Variants in PAN3 observed in about 807,000 individuals in gnomAD.
PAN3 encodes the protein PAN2-PAN3 deadenylation complex subunit PAN3.
In PAN3, 19 loss-of-function variants were observed where a neutral mutation model predicts 96.2. The ratio of observed to expected loss-of-function variants is 0.20; its 90% CI spans 0.14 to 0.29. The LOEUF (loss-of-function observed/expected upper bound fraction) is 0.29, where lower values mean the gene tolerates loss of function less well. Ranked by LOEUF, PAN3 falls within the 10% of genes least tolerant of loss-of-function variation. The pLI is 1.00. For missense variants in PAN3, 882 were observed against 1,108.1 expected, an observed-to-expected ratio of 0.80 and a Z score of 2.90; for synonymous variants, 433 against 406.6, an observed-to-expected ratio of 1.06 and a Z score of -0.78.
chr13:28,200,031 G>A (rs1024652842), intron 5 of PAN3, among the ~76,000 whole-genome samples: 1 of 152,204 alleles, frequency 6.6e-6, no homozygotes, highest in Non-Finnish European at 1.5e-5. Flanking sequence ...ACTGCTAGAT[G>A]AAGAAACATC....
At position 28,177,856 on chromosome 13, in the gene PAN3, AC is replaced by A. The variant is rs777121193; in HGVS notation, c.620-7del. 12 of 1,611,016 alleles carry A rather than the reference AC, an allele frequency of 7.4e-6. No homozygotes were observed. The highest frequency in any genetic ancestry group is 1.3e-5 in the African/African-American group (1 of 74,838). On this transcript the variant is annotated splice_region_variant and splice_polypyrimidine_tract_variant and intron_variant, in intron 3 of 18. Transcript: ENST00000380958. ...TTATGTGTGGAAACTTACGTAACTTACCTTTCAGATCCTCTAACATCACCTG... is the reference window on the plus strand; with the variant it reads ...TTATGTGTGGAAACTTACGTAACTTACTTTCAGATCCTCTAACATCACCTG...
intron 1 of PAN3, among the ~76,000 whole-genome samples, chr13:28,147,547 C>T (rs925799731): frequency 7.2e-5 from 11 of 152,140 alleles, no homozygotes; most frequent in African/African-American, 2.7e-4. Flanking sequence ...TACAGTTGGG[C>T]AAAATTACCT....
chr13:28,201,358 T>C (rs1049626814), intron 5 of PAN3, among the ~76,000 whole-genome samples: 4 of 151,956 alleles, frequency 2.6e-5, no homozygotes, highest in African/African-American at 9.7e-5. Flanking sequence ...ATTTCTTTCT[T>C]TGCATTTTTT....
chr13:28,204,955 CTT>C (rs1396397519), intron 5 of PAN3, among the ~76,000 whole-genome samples: 2 of 152,190 alleles, frequency 1.3e-5, no homozygotes, highest in Non-Finnish European at 2.9e-5. Flanking sequence ...GTCAGCATCT[CTT>C]TTGATGCTAC....
intron 6 of PAN3, among the ~76,000 whole-genome samples, chr13:28,233,882 A>G (rs1042357144): frequency 6.6e-6 from 1 of 152,148 alleles, no homozygotes; most frequent in Non-Finnish European, 1.5e-5. Flanking sequence ...TTGCATTAAC[A>G]TTGATTTCAT....
At position 28,153,292 on chromosome 13, in the gene PAN3, A is replaced by G. The variant is rs146827963; in HGVS notation, c.430+14205A>G. Among the ~76,000 whole-genome samples, 990 of 143,800 alleles carry G rather than the reference A, an allele frequency of 6.9e-3. 10 individuals carry two copies. The highest frequency in any genetic ancestry group is 0.025 in the African/African-American group (956 of 37,782). The allele number at this position is 143,800 out of a possible 152,430, so 94.3% of individuals were successfully genotyped here. The stretch of plus-strand genomic sequence containing the variant: ...CGCTCTGTTGCCAGCCTGGAGTGCA[A>G]TGGCGCGATCTCGGCTCACTGTAAC... On this transcript the variant is annotated intron_variant, in intron 1 of 18. Coordinates refer to ENST00000380958, the MANE Select transcript of PAN3 (RefSeq NM_175854.8).
chr13:28,187,627 A>G (rs1423466106), intron 4 of PAN3, among the ~76,000 whole-genome samples: 1 of 152,166 alleles, frequency 6.6e-6, no homozygotes, highest in Non-Finnish European at 1.5e-5. Context: ...CCCCTCAATG[A>G]CCTGACTCAT....
chr13:28,261,973 A>C (rs1183697865), intron 9 of PAN3, among the ~76,000 whole-genome samples: 1 of 152,126 alleles, frequency 6.6e-6, no homozygotes, highest in African/African-American at 2.4e-5. Context: ...TTTACTGTGC[A>C]CCAGAATATT....
chr13:28,223,159 T>C (rs1184964243), intron 6 of PAN3, among the ~76,000 whole-genome samples: 3 of 152,162 alleles, frequency 2.0e-5, no homozygotes, highest in African/African-American at 7.2e-5. Flanking sequence ...AAAAAATAAG[T>C]CATGTTTTTG....
At chr13:28,207,165 A>G (rs867456762) in intron 5 of PAN3, among the ~76,000 whole-genome samples, 1 of 152,164 alleles carries the variant, frequency 6.6e-6, no homozygotes, top group African/African-American at 2.4e-5. Flanking sequence ...ATTCACAACT[A>G]TATGCCACCA....
At chr13:28,254,147 A>G (rs1037082114) in intron 6 of PAN3, among the ~76,000 whole-genome samples, 3 of 152,200 alleles carry the variant, frequency 2.0e-5, no homozygotes, top group African/African-American at 7.2e-5. Context: ...TATGTGTGTA[A>G]GACTTAGGAA....
intron 1 of PAN3, among the ~76,000 whole-genome samples, chr13:28,145,352 TCTCA>T (rs1421150170): frequency 6.6e-6 from 1 of 151,998 alleles, no homozygotes. Flanking sequence ...TGAGACAGAG[TCTCA>T]CTCTATCACC....
At chr13:28,197,056 A>G in intron 4 of PAN3, 129 bp from the exon 5 acceptor site, 3 of 1,156,430 alleles carry the variant, frequency 2.6e-6, no homozygotes, top group Non-Finnish European at 3.5e-6. Context: ...TAAGGATATT[A>G]GAAGGAGTGT....
rs566361452 is a variant in PAN3 at position 28,285,181 on chromosome 13, G to A, written c.2385-2803G>A. 2.6e-5 allele frequency among the ~76,000 whole-genome samples: 4 copies of A among 152,070 alleles called. No individual in the cohort carries two copies. The South Asian group carries it at 8.3e-4, about 32-fold the overall frequency. ...TGATTTCTTTAAATTTTATGCTCTG[G>A]TACCTTATTGTTTGGGTCGTTTTCA... On this transcript the variant is annotated intron_variant, in intron 17 of 18. Transcript: ENST00000380958.
At position 28,138,798 on chromosome 13, in the gene PAN3, G is replaced by A. The variant is rs1869155934; in HGVS notation, c.141G>A (p.Lys47=). 2 of 1,403,466 alleles carry A rather than the reference G, an allele frequency of 1.4e-6. No individual in the cohort carries two copies. Among genetic ancestry groups the A allele is most frequent in the Non-Finnish European group, 1.8e-6 (2 of 1,081,856 alleles). The allele number at this position is 1,403,466 out of a possible 1,614,324, so 86.9% of individuals were successfully genotyped here. A position where few individuals can be genotyped will look rare whatever the true frequency, so the allele number is the denominator to read the frequency against. Residue 47 remains lysine (K), a synonymous_variant, in exon 1 of 19, where the codon AAG becomes AAA. Transcript: ENST00000380958. ...PGGAAVGVKL[K]YCRYYAKDKT... ...GGGCGGCGGTAGGAGTGAAGCTGAA[G>A]TACTGCCGCTACTACGCTAAGGATA...
At position 28,138,599 on chromosome 13, in the gene PAN3, A is replaced by G; in HGVS notation, c.-59A>G. 2 of 370,878 alleles carry G rather than the reference A, an allele frequency of 5.4e-6. No homozygotes were observed. Among genetic ancestry groups the G allele is most frequent in the Non-Finnish European group, 8.7e-6 (2 of 229,566 alleles). 23.0% of individuals were successfully genotyped at this position (370,878 alleles called of 1,614,324 possible). A position where few individuals can be genotyped will look rare whatever the true frequency, so the allele number is the denominator to read the frequency against. Reference sequence around the variant, plus strand: ...AGCGTCTTCCTTTCCTCCCCCGTCTATGGTGGTGGCGGCGGCGGCTCCTCG... The same window carrying G: ...AGCGTCTTCCTTTCCTCCCCCGTCTGTGGTGGTGGCGGCGGCGGCTCCTCG... On this transcript the variant is annotated 5_prime_UTR_variant, in exon 1 of 19. An upstream start codon of the reference 5' UTR is lost. Coordinates refer to ENST00000380958, the MANE Select transcript of PAN3 (RefSeq NM_175854.8).
At chr13:28,185,781 T>A (rs1308641953) in intron 4 of PAN3, among the ~76,000 whole-genome samples, 1 of 152,182 alleles carries the variant, frequency 6.6e-6, no homozygotes, top group Admixed American at 6.5e-5. Flanking sequence ...AATGGTAGTT[T>A]AAGTAAAACC....
chr13:28,156,587 C>A (rs1294821022), intron 1 of PAN3, among the ~76,000 whole-genome samples: 1 of 152,156 alleles, frequency 6.6e-6, no homozygotes, highest in Non-Finnish European at 1.5e-5. Flanking sequence ...GATACCAAAA[C>A]CTGGCAGAGA....
intron 1 of PAN3, among the ~76,000 whole-genome samples, chr13:28,140,687 T>TTGTTG (rs1555266936): frequency 7.4e-6 from 1 of 134,842 alleles, no homozygotes; most frequent in African/African-American, 3.3e-5. Flanking sequence ...GGGCCAAGTG[T>TTGTTG]TGTTCTGTTC....
Sources: allele counts gnomAD v4.1 joint callset (sites outside exome capture counted in the v4.1 genomes callset), GRCh38; gene constraint gnomAD v4.1.1; transcripts MANE v1.5; gene names NCBI Gene and HGNC (gene_info 2026-07-23, HGNC 2026-07-21).